Variants in LRP4 observed in about 807,000 individuals in gnomAD.
LRP4 encodes LDL receptor related protein 4.
Under a neutral mutation model 220.3 loss-of-function variants are expected in LRP4, and 95 were observed. That is an observed-to-expected ratio of 0.43 (90% CI 0.37 to 0.51). The LOEUF is 0.51. LRP4 is among the 20% of genes least tolerant of loss of function. The pLI is 0.00. For synonymous variants in LRP4, 903 were observed against 954.6 expected, an observed-to-expected ratio of 0.95 and a Z score of 1.00; for missense variants, 1,925 against 2,567.0, an observed-to-expected ratio of 0.75 and a Z score of 5.40.
chr11:46,889,890 G>A, intron 15 of LRP4, 54 bp downstream of exon 15: 1 of 1,597,786 alleles, frequency 6.3e-7, no homozygotes. Flanking sequence ...AGAGGCACCA[G>A]AGGCCACCTC....
chr11:46,889,664 G>A, intron 15 of LRP4, 131 bp from the exon 16 acceptor site: 1 of 1,243,640 alleles, frequency 8.0e-7, no homozygotes, highest in Non-Finnish European at 1.1e-6. Context: ...TTTGACATCT[G>A]CCCCTGCTGC....
chr11:46,871,773 A>G (rs1461012206), intron 30 of LRP4, 140 bp from the exon 31 acceptor site: 5 of 704,052 alleles, frequency 7.1e-6, no homozygotes, highest in African/African-American at 7.0e-5. Flanking sequence ...ATGAGGGGTC[A>G]TTGTGAGTCC....
In LRP4 at chr11:46,894,790, G is replaced by A. The variant is rs1941490454; in HGVS notation, c.1339C>T (p.Arg447Cys). Reference protein sequence around the residue: ...GPEPVLLFANRIDIRQVLPHR... With the variant: ...GPEPVLLFANCIDIRQVLPHR... ...GGCAGCACCTGCCGGATGTCGATGC[G>A]ATTGGCGAACAGCAGCACAGGCTCT... The change falls in exon 12 of 38, where the codon CGC becomes TGC. Residue 447 changes from arginine (R) to cysteine (C), a missense_variant. Physicochemically the swap from Arg to Cys is radical, Grantham distance 180 (BLOSUM62 -3). Coordinates refer to ENST00000378623, the MANE Select transcript of LRP4 (RefSeq NM_002334.4). The A allele has an allele frequency of 3.1e-6, 5 of 1,614,066 alleles. No individual in the cohort carries two copies. Among genetic ancestry groups the A allele is most frequent in the African/African-American group, 1.3e-5 (1 of 74,932 alleles).
Position 46,898,903 on chromosome 11 carries a change from C to G in LRP4, c.676+1G>C. On this transcript the variant is annotated splice_donor_variant, in intron 6 of 37. Transcript: ENST00000378623. LOFTEE classifies it high-confidence loss of function. ...ACCTCCCAGCTGGCCAGAGTACTCA[C>G]AGCAGTCAGACTCGTCTGACCAGTC... 1 of 1,613,846 alleles carries G rather than the reference C, an allele frequency of 6.2e-7. No homozygotes were observed.
intron 15 of LRP4, 200 bp from the exon 16 acceptor site, chr11:46,889,733 T>C: frequency 7.1e-6 from 6 of 841,662 alleles, no homozygotes; most frequent in Non-Finnish European, 1.1e-5. Flanking sequence ...CTGAATTAGA[T>C]GGGAACGGTG....
At chr11:46,882,769 T>C (rs934399487) in intron 19 of LRP4, among the ~76,000 whole-genome samples, 2 of 152,014 alleles carry the variant, frequency 1.3e-5, no homozygotes, top group Admixed American at 6.5e-5. Context: ...GGCAGGAGGA[T>C]TGCTTGAGCC....
At chr11:46,860,427 C>G (rs1290337780) in intron 37 of LRP4, among the ~76,000 whole-genome samples, 4 of 152,062 alleles carry the variant, frequency 2.6e-5, no homozygotes, top group Non-Finnish European at 5.9e-5. Flanking sequence ...GCCTGGAGTT[C>G]TGCTCGGGCC....
Position 46,864,540 on chromosome 11 carries a change from G to A in LRP4, c.5156-5C>T. 6.3e-7 allele frequency: 1 copy of A among 1,592,808 alleles called. No individual in the cohort carries two copies. The highest frequency in any genetic ancestry group is 8.6e-7 in the Non-Finnish European group (1 of 1,160,704). ...AGCTGATATGAAGTCCTTCCCCTAG[G>A]AAGAATAGAGAAACACTAGGCAGGG... On this transcript the variant is annotated splice_polypyrimidine_tract_variant and splice_region_variant and intron_variant, in intron 35 of 37. Coordinates refer to ENST00000378623, the MANE Select transcript of LRP4 (RefSeq NM_002334.4).
At position 46,896,897 on chromosome 11, in the gene LRP4, G is replaced by A. The variant is rs1592542950; in HGVS notation, c.894C>T (p.Asn298=). The A allele has an allele frequency of 3.7e-6, 6 of 1,614,142 alleles. No homozygotes were observed. The highest frequency in any genetic ancestry group is 1.6e-4 in the Middle Eastern group (1 of 6,084). The change falls in exon 8 of 38, where the codon AAC becomes AAT. Residue 298 remains asparagine, a synonymous_variant. Transcript: ENST00000378623. ...TATTCTCACAGTTCTCTTCATCGCT[G>A]TTGTCTGCACAGTCGTCCTCCCCAT... ...RCDGEDDCAD[N]SDEENCENTG...
intron 16 of LRP4, among the ~76,000 whole-genome samples, chr11:46,888,066 G>T (rs2134832658): frequency 7.0e-6 from 1 of 143,486 alleles, no homozygotes; most frequent in African/African-American, 2.6e-5. Context: ...GCTTATGCCT[G>T]TAATCCCAAC....
At chr11:46,894,339 A>C (rs753447775) in intron 12 of LRP4, among the ~76,000 whole-genome samples, 2 of 152,254 alleles carry the variant, frequency 1.3e-5, no homozygotes, top group African/African-American at 4.8e-5. Flanking sequence ...TCTGATTCCC[A>C]TGATCACAAC....
rs1031449863 is a variant in LRP4, at chr11:46,859,194, A to G, written c.5507T>C (p.Leu1836Pro). ...LKQLRSSRGG[L>P]LRDHVCMKTD... ...CTTCATGCATACATGATCCCGGAGG[A>G]GGCCCCCCCGTGAGCTTCGCAGTTG... Residue 1836 changes from leucine to proline, a missense_variant, in exon 38 of 38, where the codon CTC (leucine) becomes CCC (proline). Leu to Pro is a moderately conservative substitution (Grantham distance 98). Around this residue, in one of 3 missense-constraint regions of LRP4, gnomAD observed 1,244 missense variants for 1,624.9 expected, o/e 0.77. Transcript: ENST00000378623. The G allele has an allele frequency of 6.2e-7, 1 of 1,614,028 alleles. No homozygotes were observed. The highest frequency in any genetic ancestry group is 8.5e-7 in the Non-Finnish European group (1 of 1,179,998).
chr11:46,916,636 C>T (rs900900240), intron 1 of LRP4, among the ~76,000 whole-genome samples: 10 of 152,028 alleles, frequency 6.6e-5, no homozygotes, highest in Admixed American at 2.0e-4. Context: ...CTTCCAGCTC[C>T]CCCTTCCCTA....
Position 46,893,139 on chromosome 11 carries a change from A to C in LRP4, c.1541-10T>G. On this transcript the variant is annotated splice_polypyrimidine_tract_variant and intron_variant, in intron 12 of 37. Coordinates refer to ENST00000378623, the MANE Select transcript of LRP4 (RefSeq NM_002334.4). ...TCCACAGCCAGGCCCCCTGGTGAGAAGCAGCAGCAAAAAATGTCAAGGAGT... is the reference window on the plus strand; with the variant it reads ...TCCACAGCCAGGCCCCCTGGTGAGACGCAGCAGCAAAAAATGTCAAGGAGT... 1 of 1,614,158 alleles carries C rather than the reference A, an allele frequency of 6.2e-7. No homozygotes were observed. Among genetic ancestry groups the C allele is most frequent in the Non-Finnish European group, 8.5e-7 (1 of 1,180,010 alleles).
chr11:46,876,038 A>G (rs921379141), intron 25 of LRP4, 72 bp from the exon 26 acceptor site: 94 of 1,511,108 alleles, frequency 6.2e-5, no homozygotes, highest in Non-Finnish European at 8.3e-5. Flanking sequence ...AATACTTAAC[A>G]GTATGTCAGA....
intron 31 of LRP4, among the ~76,000 whole-genome samples, chr11:46,871,125 G>A (rs1940849449): frequency 6.6e-6 from 1 of 152,178 alleles, no homozygotes; most frequent in Admixed American, 6.5e-5. Flanking sequence ...CACTAAGTGA[G>A]CTCCCTATGC....
rs550964500 is a variant in LRP4, at chr11:46,857,648, C to T, written c.*1335G>A. ...AAAGCAAATTAGGCAAAAAAACAAA[C>T]AAAAAAACCCCACGAAGAACAGCTA... On this transcript the variant is annotated 3_prime_UTR_variant, in exon 38 of 38. Transcript: ENST00000378623. 9.2e-5 allele frequency: 14 copies of T among 152,208 alleles called. No individual in the cohort carries two copies. The highest frequency in any genetic ancestry group is 2.0e-4 in the Admixed American group (3 of 15,286). 9.4% of individuals were successfully genotyped at this position (152,208 alleles called of 1,614,324 possible). A position where few individuals can be genotyped will look rare whatever the true frequency, so the allele number is the denominator to read the frequency against.
intron 3 of LRP4, 43 bp downstream of exon 3, chr11:46,900,219 G>A (rs766155462): frequency 7.0e-7 from 1 of 1,437,666 alleles, no homozygotes; most frequent in Admixed American, 1.7e-5. Flanking sequence ...TCCTTTCCCA[G>A]TGGAACTCAA....
chr11:46,878,930 G>A lies in LRP4; in HGVS notation c.3113C>T (p.Ser1038Phe). The A allele has an allele frequency of 6.2e-7, 1 of 1,614,230 alleles. No individual in the cohort carries two copies. Among genetic ancestry groups the A allele is most frequent in the Non-Finnish European group, 8.5e-7 (1 of 1,180,050 alleles). ...ACCTGGTGAGCAGGTCTTGCCATCA[G>A]ACAGCAGGTTGATGCCTGTGGGGCA... The part of the protein sequence containing the change: ...CTCPTGINLL[S>F]DGKTCSPGMN... Residue 1038 changes from serine to phenylalanine, a missense_variant, in exon 22 of 38, where the codon TCT becomes TTT. By Grantham distance (155) the Ser-to-Phe change is radical. This residue lies in a region of LRP4 where 1,244 missense variants were observed against 1,624.9 expected (regional missense o/e 0.77). Coordinates refer to ENST00000378623, the MANE Select transcript of LRP4 (RefSeq NM_002334.4).
Sources: gnomAD v4.1 joint callset for allele counts (sites outside exome capture counted in the v4.1 genomes callset) on GRCh38, gnomAD v4.1.1 for gene constraint, gnomAD v4.1.1 regional missense constraint, MANE v1.5 for transcripts, NCBI Gene and HGNC (gene_info 2026-07-23, HGNC 2026-07-21) for gene names.